COL20A1: variants seen among roughly 807,000 people sequenced by gnomAD.
The protein encoded by COL20A1 is collagen alpha-1(XX) chain.
A neutral mutation model predicts 152.9 loss-of-function variants in COL20A1; 164 were observed. That is an observed-to-expected ratio of 1.07 (90% CI 0.94 to 1.22). COL20A1 has a LOEUF of 1.22. COL20A1 is among the 50% of genes most tolerant of loss of function. The pLI is 0.00. For missense variants in COL20A1, 1,873 were observed against 1,744.8 expected (o/e 1.07, Z -1.31); for synonymous variants, 864 against 756.0 (o/e 1.14, Z -2.34).
At chr20:63,325,204 G>T in intron 27 of COL20A1, 1 of 674,898 alleles carries the variant, frequency 1.5e-6, no homozygotes, top group African/African-American at 1.8e-5. Flanking sequence ...CTGTGACCCA[G>T]AGGGGCCACA....
chr20:63,302,128 C>T (rs1026160511), intron 3 of COL20A1, among the ~76,000 whole-genome samples: 1 of 152,010 alleles, frequency 6.6e-6, no homozygotes, highest in Non-Finnish European at 1.5e-5. Context: ...TCCTCAACCC[C>T]CCTCTACATT....
intron 9 of COL20A1, 78 bp from the exon 10 acceptor site, chr20:63,309,680 T>C: frequency 7.3e-7 from 1 of 1,369,760 alleles, no homozygotes; most frequent in Non-Finnish European, 9.8e-7. Flanking sequence ...GTCCCTCCTG[T>C]GAGTGGCCAC....
At chr20:63,317,497 A>T (rs1281423149) in intron 21 of COL20A1, among the ~76,000 whole-genome samples, 1 of 151,446 alleles carries the variant, frequency 6.6e-6, no homozygotes, top group Non-Finnish European at 1.5e-5. Flanking sequence ...GAAGTTACAA[A>T]GGAGAGTTAT....
In COL20A1 at chr20:63,313,232, C is replaced by G; in HGVS notation, c.2192C>G (p.Ser731Cys). Reference sequence around the variant, plus strand: ...GACGGGGCCCGCAGTGACCCTGTGTCCCTCCGCTATACCCCCTGTAGGTGC... The same window carrying G: ...GACGGGGCCCGCAGTGACCCTGTGTGCCTCCGCTATACCCCCTGTAGGTGC... ...YRDGARSDPVSLRYTPSTVSR... is the reference protein window; with the variant it reads ...YRDGARSDPVCLRYTPSTVSR... The change falls in exon 17 of 36, where the codon TCC (serine) becomes TGC (cysteine). Residue 731 changes from serine (S) to cysteine (C), a missense_variant. Physicochemically the swap from Ser to Cys is moderately radical, Grantham distance 112. Coordinates refer to ENST00000358894, the MANE Select transcript of COL20A1 (RefSeq NM_020882.4). The surrounding 1 kb of genome is among the most constrained non-coding windows in gnomAD (Gnocchi z 5.9). 1 of 1,611,494 alleles carries G rather than the reference C, an allele frequency of 6.2e-7. No homozygotes were observed. The highest frequency in any genetic ancestry group is 1.1e-5 in the South Asian group (1 of 90,954).
intron 3 of COL20A1, among the ~76,000 whole-genome samples, chr20:63,302,292 A>G (rs1245772441): frequency 6.6e-6 from 1 of 152,210 alleles, no homozygotes; most frequent in Non-Finnish European, 1.5e-5. Flanking sequence ...TTAGTTGTGT[A>G]GAGTTTTCTA....
intron 27 of COL20A1, chr20:63,324,311 C>A (rs1002077970): frequency 1.1e-4 from 17 of 152,210 alleles, no homozygotes; most frequent in African/African-American, 3.1e-4. Flanking sequence ...ACTCAAATTT[C>A]TTTTTCTTGT....
At chr20:63,314,286 T>A in intron 19 of COL20A1, 85 bp downstream of exon 19, 1 of 1,278,062 alleles carries the variant, frequency 7.8e-7, no homozygotes, top group Non-Finnish European at 1.1e-6. Context: ...TCCAGACTCA[T>A]CCAACCCCAG....
rs987217363 is a variant in COL20A1, at chr20:63,305,085, G to A, written c.194-332G>A. On this transcript the variant is annotated intron_variant, in intron 3 of 35. Coordinates refer to ENST00000358894, the MANE Select transcript of COL20A1 (RefSeq NM_020882.4). The surrounding 1 kb of genome is among the most constrained non-coding windows in gnomAD (Gnocchi z 4.9). ...TCTTCCTTCTTGGACCTGGCCCCTC[G>A]GGTCGTCATCCCCTCCCTGGGCAGC... is the stretch of plus-strand genomic sequence containing the variant. Among the ~76,000 whole-genome samples, 2 of 152,076 alleles carry A rather than the reference G, an allele frequency of 1.3e-5. No homozygotes were observed. The highest frequency in any genetic ancestry group is 2.4e-5 in the African/African-American group (1 of 41,400).
rs749207634 is a variant in COL20A1 at position 63,308,070 on chromosome 20, A to AG, written c.762dup (p.Asn255GlufsTer66). 1.4e-5 allele frequency: 22 copies of AG among 1,612,134 alleles called. No individual in the cohort carries two copies. Among genetic ancestry groups the AG allele is most frequent in the African/African-American group, 5.3e-5 (4 of 74,796 alleles). ...GCAGCTGTGCGCCGCCTCCGCTACA[A>AG]GGGGGGGAACACGTTCACAGGTACG... On this transcript the variant is annotated frameshift_variant, in exon 7 of 36. Coordinates refer to ENST00000358894, the MANE Select transcript of COL20A1 (RefSeq NM_020882.4). LOFTEE classifies it high-confidence loss of function.
intron 25 of COL20A1, 112 bp from the exon 26 acceptor site, chr20:63,320,901 C>A: frequency 1.3e-6 from 1 of 780,248 alleles, no homozygotes; most frequent in Non-Finnish European, 2.1e-6. Flanking sequence ...CTCCCAGGTG[C>A]GGGTCTGGAA....
At chr20:63,318,293 G>A (rs1265351257) in intron 21 of COL20A1, among the ~76,000 whole-genome samples, 1 of 152,204 alleles carries the variant, frequency 6.6e-6, no homozygotes, top group African/African-American at 2.4e-5. Context: ...CCAGGCCCCA[G>A]ACCAGTCTGC....
chr20:63,328,128 G>GT lies in COL20A1; in HGVS notation c.3613+2dup. 6.2e-7 allele frequency: 1 copy of GT among 1,613,074 alleles called. No homozygotes were observed. Among genetic ancestry groups the GT allele is most frequent in the South Asian group, 1.1e-5 (1 of 90,986 alleles). On this transcript the variant is annotated splice_donor_variant, in intron 33 of 35. Coordinates refer to ENST00000358894, the MANE Select transcript of COL20A1 (RefSeq NM_020882.4). LOFTEE classifies it high-confidence loss of function. ...CTCTACCAGCTTGTGAGCCAGGCCT[G>GT]TGAGTCTGCCATTCAGAGTGAGTGA...
At chr20:63,301,251 GT>G in intron 3 of COL20A1, among the ~76,000 whole-genome samples, 1 of 152,274 alleles carries the variant, frequency 6.6e-6, no homozygotes, top group Middle Eastern at 3.4e-3. Flanking sequence ...GGAGGTGGAG[GT>G]TGCAGTGAGC....
chr20:63,307,668 G>T lies in COL20A1; in HGVS notation c.655+20G>T, dbSNP rs368907357. ...AAGTAGGTGGGTGCTGGCCCGGCCC[G>T]CCTCCTGCCCCACCCGGGTGTGGTC... is the stretch of plus-strand genomic sequence containing the variant. On this transcript the variant is annotated intron_variant, in intron 6 of 35. Transcript: ENST00000358894. The T allele has an allele frequency of 5.6e-6, 9 of 1,604,134 alleles. No individual in the cohort carries two copies. Among genetic ancestry groups the T allele is most frequent in the Non-Finnish European group, 7.7e-6 (9 of 1,174,362 alleles).
In COL20A1 at chr20:63,314,189, A is replaced by C. The variant is rs2068055116; in HGVS notation, c.2476A>C (p.Thr826Pro). The C allele has an allele frequency of 1.3e-6, 2 of 1,563,480 alleles. No homozygotes were observed. Among genetic ancestry groups the C allele is most frequent in the Non-Finnish European group, 8.7e-7 (1 of 1,154,360 alleles). ...AAGRSEAVSA[T>P]GQTACPALRP... is the part of the protein sequence containing the mutation. ...AGGCAGGAGTGAGGCTGTGTCTGCC[A>C]CGGGCCAGACAGGTGAGTGGGCACC... The change falls in exon 19 of 36, where the codon ACG becomes CCG. Residue 826 changes from threonine (T) to proline (P), a missense_variant. Coordinates refer to ENST00000358894, the MANE Select transcript of COL20A1 (RefSeq NM_020882.4).
Position 63,331,103 on chromosome 20 carries a change from A to T in COL20A1, c.*387A>T, listed in dbSNP as rs1304864789. 1 of 152,338 alleles carries T rather than the reference A, an allele frequency of 6.6e-6. No homozygotes were observed. Among genetic ancestry groups the T allele is most frequent in the African/African-American group, 2.4e-5 (1 of 41,456 alleles). 9.4% of individuals were successfully genotyped at this position (152,338 alleles called of 1,614,324 possible). A position where few individuals can be genotyped will look rare whatever the true frequency, so the allele number is the denominator to read the frequency against. On this transcript the variant is annotated 3_prime_UTR_variant, in exon 36 of 36. Transcript: ENST00000358894. ...GCCCTGTGGCCGTCTCAGTAGCTCT[A>T]AAACAGGCTCAACAACATGCCCCGC...
chr20:63,315,394 C>G lies in COL20A1; in HGVS notation c.2489-10C>G, dbSNP rs1266048721. On this transcript the variant is annotated splice_polypyrimidine_tract_variant and intron_variant, in intron 19 of 35. Transcript: ENST00000358894. Reference sequence around the variant, plus strand: ...CTCCCACTCACACTGACCCTGTCTCCTCTCAGCAGCCTGCCCAGCCCTCCG... The same window carrying G: ...CTCCCACTCACACTGACCCTGTCTCGTCTCAGCAGCCTGCCCAGCCCTCCG... 1 of 1,573,302 alleles carries G rather than the reference C, an allele frequency of 6.4e-7. No homozygotes were observed. Among genetic ancestry groups the G allele is most frequent in the South Asian group, 1.2e-5 (1 of 85,860 alleles).
At position 63,306,206 on chromosome 20, in the gene COL20A1, C is replaced by T. The variant is rs892010731; in HGVS notation, c.496+167C>T. On this transcript the variant is annotated intron_variant, in intron 5 of 35. Coordinates refer to ENST00000358894, the MANE Select transcript of COL20A1 (RefSeq NM_020882.4). This position sits in a 1 kb window ranked among gnomAD's most constrained non-coding sequence, Gnocchi z 6.9. ...TGTCTGACCACACGGTCTCTGACCA[C>T]GAGGCCGGGAAGTTCTTCCTCGTGT... 16 of 553,608 alleles carry T rather than the reference C, an allele frequency of 2.9e-5. No homozygotes were observed. Among genetic ancestry groups the T allele is most frequent in the East Asian group, 3.2e-5 (1 of 31,530 alleles). 34.3% of individuals were successfully genotyped at this position (553,608 alleles called of 1,614,324 possible).
chr20:63,319,915 G>T lies in COL20A1; in HGVS notation c.2917-124G>T. 1 of 944,426 alleles carries T rather than the reference G, an allele frequency of 1.1e-6. No homozygotes were observed. The allele number at this position is 944,426 out of a possible 1,614,324, so 58.5% of individuals were successfully genotyped here. On this transcript the variant is annotated intron_variant, in intron 23 of 35. Transcript: ENST00000358894. This position sits in a 1 kb window ranked among gnomAD's most constrained non-coding sequence, Gnocchi z 4.4. ...CAGGGTCCCCCGAAACCTGAGGTGA[G>T]GTCAGGTTCCTGACCCCAGGTCCCA...
Sources: allele counts gnomAD v4.1 joint callset (sites outside exome capture counted in the v4.1 genomes callset), GRCh38; gene constraint gnomAD v4.1.1; non-coding constraint Gnocchi (gnomAD v3.1); transcripts MANE v1.5; gene names NCBI Gene and HGNC (gene_info 2026-07-23, HGNC 2026-07-21).